HUNK: variants seen among roughly 807,000 people sequenced by gnomAD.
The protein encoded by HUNK is hormonally up-regulated Neu-associated kinase, also known as hormonally up-regulated neu tumor-associated kinase.
HUNK carries 21 observed loss-of-function variants against 61.0 expected under a neutral mutation model. That is an observed-to-expected ratio of 0.34 (90% CI 0.24 to 0.50). HUNK has a LOEUF of 0.50. Ranked by LOEUF, HUNK falls within the 20% of genes least tolerant of loss-of-function variation. The pLI is 0.98. For synonymous variants in HUNK, 371 were observed against 386.1 expected (o/e 0.96, Z 0.46); for missense variants, 772 against 945.7 (o/e 0.82, Z 2.41).
intron 9 of HUNK, among the ~76,000 whole-genome samples, chr21:31,994,297 T>C (rs1164478487): frequency 1.3e-5 from 2 of 152,228 alleles, no homozygotes; most frequent in Non-Finnish European, 2.9e-5. Flanking sequence ...ACAGTGGCAC[T>C]TGCCACGAGG....
intron 1 of HUNK, among the ~76,000 whole-genome samples, chr21:31,901,584 G>A (rs555624847): frequency 7.2e-5 from 11 of 152,228 alleles, no homozygotes; most frequent in Non-Finnish European, 8.8e-5. Flanking sequence ...AGGACCCAGG[G>A]CCAGTCACAT....
At chr21:31,959,007 T>G (rs766444367) in intron 5 of HUNK, 37 bp downstream of exon 5, 1 of 1,543,036 alleles carries the variant, frequency 6.5e-7, no homozygotes, top group Middle Eastern at 1.7e-4. Flanking sequence ...GGTTCAGGAC[T>G]GCTGTCGTGA....
chr21:31,937,131 T>C (rs1210637843), intron 2 of HUNK, among the ~76,000 whole-genome samples: 1 of 152,166 alleles, frequency 6.6e-6, no homozygotes, highest in Non-Finnish European at 1.5e-5. Flanking sequence ...TGAATAGAAG[T>C]CAGGCTGATA....
At chr21:31,940,241 T>TTA in intron 3 of HUNK, 21 bp downstream of exon 3, 1 of 1,369,296 alleles carries the variant, frequency 7.3e-7, no homozygotes, top group Admixed American at 1.9e-5. Flanking sequence ...TTTTTTTTTT[T>TTA]AAGCAAAAGT....
intron 9 of HUNK, among the ~76,000 whole-genome samples, chr21:31,991,914 G>A (rs1380812582): frequency 1.3e-5 from 2 of 152,244 alleles, no homozygotes. Context: ...CTGTTCAGGC[G>A]ATAAAGCAAG....
At chr21:31,954,147 G>A (rs2052871566) in intron 4 of HUNK, among the ~76,000 whole-genome samples, 1 of 152,124 alleles carries the variant, frequency 6.6e-6, no homozygotes, top group African/African-American at 2.4e-5. Flanking sequence ...GCCTCATATG[G>A]TCTCCAAACC....
chr21:32,003,728 C>T lies in HUNK; in HGVS notation c.*4544C>T, dbSNP rs775844744. 1 of 152,092 alleles carries T rather than the reference C, an allele frequency of 6.6e-6. No individual in the cohort carries two copies. Among genetic ancestry groups the T allele is most frequent in the Non-Finnish European group, 1.5e-5 (1 of 68,020 alleles). 9.4% of individuals were successfully genotyped at this position (152,092 alleles called of 1,614,324 possible). A position where few individuals can be genotyped will look rare whatever the true frequency, so the allele number is the denominator to read the frequency against. ...AAGACAAATAGGATATATATTTGTA[C>T]TTCTTCTCTGTGGACATGTTTTTGT... On this transcript the variant is annotated 3_prime_UTR_variant, in exon 11 of 11. Coordinates refer to ENST00000270112, the MANE Select transcript of HUNK (RefSeq NM_014586.2).
At chr21:31,985,908 A>G (rs951608644) in intron 8 of HUNK, among the ~76,000 whole-genome samples, 1 of 152,150 alleles carries the variant, frequency 6.6e-6, no homozygotes, top group African/African-American at 2.4e-5. Flanking sequence ...CCAGGCAGGA[A>G]TGGTGGGCCT....
chr21:31,877,121 C>T (rs556738884), intron 1 of HUNK, among the ~76,000 whole-genome samples: 1 of 152,284 alleles, frequency 6.6e-6, no homozygotes, highest in East Asian at 1.9e-4. Context: ...TGAGAGGGCA[C>T]CCCAAGTTTG....
At chr21:31,944,229 G>A (rs1386583958) in intron 3 of HUNK, among the ~76,000 whole-genome samples, 11 of 152,192 alleles carry the variant, frequency 7.2e-5, no homozygotes, top group Non-Finnish European at 1.3e-4. Context: ...ACAGGTGTGC[G>A]CCTCCGCGCC....
chr21:31,965,037 A>G (rs1385843148), intron 5 of HUNK, among the ~76,000 whole-genome samples: 2 of 152,176 alleles, frequency 1.3e-5, no homozygotes, highest in African/African-American at 4.8e-5. Flanking sequence ...TTATCTGACC[A>G]ATAGATGCCC....
chr21:31,878,749 AAT>A (rs1363962822), intron 1 of HUNK, among the ~76,000 whole-genome samples: 3 of 152,214 alleles, frequency 2.0e-5, no homozygotes, highest in African/African-American at 7.2e-5. Context: ...AAGTTGAAAA[AAT>A]ATAGTTGGAA....
intron 5 of HUNK, among the ~76,000 whole-genome samples, chr21:31,963,775 GC>G (rs1244698100): frequency 1.3e-5 from 2 of 151,144 alleles, no homozygotes; most frequent in African/African-American, 4.8e-5. Context: ...CTCTCAAACT[GC>G]TGGGGTACTG....
In HUNK at chr21:31,995,946, A is replaced by G. The variant is rs143593780; in HGVS notation, c.1484A>G (p.Lys495Arg). The G allele has an allele frequency of 1.4e-4, 224 of 1,612,360 alleles. No individual in the cohort carries two copies. In the African/African-American group the frequency reaches 2.6e-3, roughly 19 times the overall value. Residue 495 changes from lysine (K) to arginine (R), a missense_variant and splice_region_variant, in exon 10 of 11, where the codon AAA becomes AGA. This residue lies in a region of HUNK where 413 missense variants were observed against 444.4 expected (regional missense o/e 0.93). Transcript: ENST00000270112. ...GCCTCCAAGTCCAGCTTCCCCGACAAAGGTGGGTCAGCTCTGGGGACTCTC... is the reference window on the plus strand; with the variant it reads ...GCCTCCAAGTCCAGCTTCCCCGACAGAGGTGGGTCAGCTCTGGGGACTCTC... Reference protein sequence around the residue: ...RKASKSSFPDKDSFGCRNIFR... With the variant: ...RKASKSSFPDRDSFGCRNIFR...
chr21:31,990,056 C>T (rs892322122), intron 8 of HUNK, 73 bp from the exon 9 acceptor site: 4 of 1,324,154 alleles, frequency 3.0e-6, no homozygotes, highest in South Asian at 1.2e-5. Context: ...GCTGCAGGGC[C>T]GTAGGGGAAG....
chr21:31,891,368 CTG>C (rs1477111342), intron 1 of HUNK, among the ~76,000 whole-genome samples: 2 of 152,228 alleles, frequency 1.3e-5, no homozygotes, highest in African/African-American at 4.8e-5. Context: ...CAGAGTGAGA[CTG>C]TGTCTCAAAC....
chr21:31,977,336 G>A lies in HUNK; in HGVS notation c.1173+2619G>A, dbSNP rs116650544. Reference sequence around the variant, plus strand: ...CTTCAGATAAAAGGAAGAAAAGAGGGTTAATGCACTGGTAATCTTTTTCAG... The same window carrying A: ...CTTCAGATAAAAGGAAGAAAAGAGGATTAATGCACTGGTAATCTTTTTCAG... On this transcript the variant is annotated intron_variant, in intron 7 of 10. Coordinates refer to ENST00000270112, the MANE Select transcript of HUNK (RefSeq NM_014586.2). Among the ~76,000 whole-genome samples the A allele has an allele frequency of 4.2e-3, 637 of 152,256 alleles. 7 individuals carry two copies. Among genetic ancestry groups the A allele is most frequent in the African/African-American group, 0.015 (611 of 41,558 alleles).
intron 4 of HUNK, among the ~76,000 whole-genome samples, chr21:31,947,251 C>T (rs1164258386): frequency 6.6e-6 from 1 of 151,664 alleles, no homozygotes; most frequent in Non-Finnish European, 1.5e-5. Context: ...ATCCCAGTCT[C>T]AAGCCAGTGG....
At chr21:31,960,786 A>G (rs528633633) in intron 5 of HUNK, among the ~76,000 whole-genome samples, 1 of 152,306 alleles carries the variant, frequency 6.6e-6, no homozygotes, top group South Asian at 2.1e-4. Flanking sequence ...CCCGCCCTTG[A>G]CATGTGGGGA....
Sources: gnomAD v4.1 joint callset for allele counts (sites outside exome capture counted in the v4.1 genomes callset) on GRCh38, gnomAD v4.1.1 for gene constraint, gnomAD v4.1.1 regional missense constraint, MANE v1.5 for transcripts, NCBI Gene and HGNC (gene_info 2026-07-23, HGNC 2026-07-21) for gene names.